Variants in FARP1 observed in about 807,000 individuals in gnomAD.
FARP1 encodes the protein FERM, ARH/RhoGEF and pleckstrin domain protein 1.
Under a neutral mutation model 128.8 loss-of-function variants are expected in FARP1, and 52 were observed. The ratio of observed to expected loss-of-function variants is 0.40; its 90% CI spans 0.32 to 0.51. The LOEUF is 0.51. FARP1 is among the 20% of genes least tolerant of loss of function. The pLI is 0.45. For missense variants in FARP1, 1,333 were observed against 1,367.9 expected (o/e 0.97, Z 0.40); for synonymous variants, 580 against 551.8 (o/e 1.05, Z -0.72).
At chr13:98,234,319 C>G (rs1038383246) in intron 2 of FARP1, 1 of 152,148 alleles carries the variant, frequency 6.6e-6, no homozygotes, top group Non-Finnish European at 1.5e-5. Context: ...CTCCTTAAGG[C>G]AAGTAGGGTA....
At chr13:98,194,128 T>C (rs967094520) in intron 1 of FARP1, among the ~76,000 whole-genome samples, 12 of 152,096 alleles carry the variant, frequency 7.9e-5, no homozygotes, top group African/African-American at 2.9e-4. Flanking sequence ...ATTATTATTA[T>C]TTTTTGAGAC....
At chr13:98,416,541 G>A (rs1258279637) in intron 16 of FARP1, among the ~76,000 whole-genome samples, 1 of 152,206 alleles carries the variant, frequency 6.6e-6, no homozygotes, top group Non-Finnish European at 1.5e-5. Flanking sequence ...TGCTGGCAAA[G>A]CCACATTACC....
In FARP1 at chr13:98,266,778, G is replaced by C. The variant is rs142100692; in HGVS notation, c.171+53365G>C. 8.8e-3 allele frequency among the ~76,000 whole-genome samples: 1,345 copies of C among 152,258 alleles called. 20 individuals are homozygous for C. The highest frequency in any genetic ancestry group is 0.029 in the African/African-American group (1,216 of 41,548). On this transcript the variant is annotated intron_variant, in intron 2 of 26. Transcript: ENST00000319562. ...TATAATCCCAGCATTTTGGGAGGCA[G>C]AGGTGGGTGGATCGCTTGAGGTCAG...
chr13:98,205,559 A>AT (rs911052540), intron 1 of FARP1, among the ~76,000 whole-genome samples: 2 of 151,784 alleles, frequency 1.3e-5, no homozygotes, highest in Admixed American at 6.6e-5. Context: ...TGCCCGGCTA[A>AT]TTTTTTTGTA....
chr13:98,278,168 A>AGTGTGTGT (rs1291047216), intron 2 of FARP1, among the ~76,000 whole-genome samples: 28 of 131,656 alleles, frequency 2.1e-4, no homozygotes, highest in African/African-American at 7.9e-4. Context: ...TGTATGAGTG[A>AGTGTGTGT]GTGAGTGTGT....
At chr13:98,170,201 T>C (rs547112582) in intron 1 of FARP1, among the ~76,000 whole-genome samples, 1 of 152,298 alleles carries the variant, frequency 6.6e-6, no homozygotes, top group South Asian at 2.1e-4. Flanking sequence ...TTTTTGTTTT[T>C]GATACAGAGT....
intron 24 of FARP1, among the ~76,000 whole-genome samples, chr13:98,443,083 C>A (rs1892595064): frequency 6.6e-6 from 1 of 152,224 alleles, no homozygotes; most frequent in South Asian, 2.1e-4. Context: ...GGCACGCTGG[C>A]CCCCAGCCAG....
At chr13:98,243,424 G>A (rs567045726) in intron 2 of FARP1, among the ~76,000 whole-genome samples, 12 of 151,920 alleles carry the variant, frequency 7.9e-5, no homozygotes, top group Non-Finnish European at 1.3e-4. Context: ...GGCCGGGCAC[G>A]GTGGCTCACG....
chr13:98,402,747 G>A (rs910190309), intron 13 of FARP1: 1 of 152,120 alleles, frequency 6.6e-6, no homozygotes, highest in Non-Finnish European at 1.5e-5. Flanking sequence ...AGGTTGCTGT[G>A]AAAACCTAAC....
At chr13:98,256,242 A>G (rs2139513180) in intron 2 of FARP1, among the ~76,000 whole-genome samples, 1 of 152,328 alleles carries the variant, frequency 6.6e-6, no homozygotes, top group South Asian at 2.1e-4. Flanking sequence ...GTGAATAGGG[A>G]CGTTGTGCTG....
intron 6 of FARP1, chr13:98,382,333 G>C (rs562723338): frequency 1.8e-4 from 28 of 151,858 alleles, no homozygotes; most frequent in Admixed American, 1.3e-3. Flanking sequence ...TGTGGGGAGC[G>C]AATGAGTTTC....
intron 1 of FARP1, chr13:98,177,228 C>T (rs1472364911): frequency 3.2e-6 from 5 of 1,553,188 alleles, no homozygotes; most frequent in East Asian, 2.3e-5. Context: ...GAGAAGGTGG[C>T]GCTGCCATGT....
At chr13:98,297,155 C>G (rs1406954042) in intron 2 of FARP1, among the ~76,000 whole-genome samples, 1 of 152,166 alleles carries the variant, frequency 6.6e-6, no homozygotes, top group Non-Finnish European at 1.5e-5. Context: ...CGGATTGTTC[C>G]CATAGGAAGA....
intron 1 of FARP1, among the ~76,000 whole-genome samples, chr13:98,212,163 C>A (rs1447499903): frequency 1.3e-5 from 2 of 152,210 alleles, no homozygotes; most frequent in Non-Finnish European, 2.9e-5. Flanking sequence ...TCAAGCGATT[C>A]TCCTGCCTCA....
At chr13:98,284,639 C>T (rs1320804968) in intron 2 of FARP1, among the ~76,000 whole-genome samples, 2 of 35,292 alleles carry the variant, frequency 5.7e-5, no homozygotes, top group Non-Finnish European at 9.9e-5. Context: ...TCCAAATGCC[C>T]AGTCTCAAGT....
At chr13:98,251,804 A>G (rs1402965270) in intron 2 of FARP1, among the ~76,000 whole-genome samples, 5 of 152,202 alleles carry the variant, frequency 3.3e-5, no homozygotes, top group African/African-American at 1.2e-4. Context: ...TAAACCATAA[A>G]AAGATAGCAG....
At chr13:98,352,620 C>T (rs1241760836) in intron 3 of FARP1, among the ~76,000 whole-genome samples, 2 of 152,196 alleles carry the variant, frequency 1.3e-5, no homozygotes, top group African/African-American at 4.8e-5. Flanking sequence ...GGTTAGGAAA[C>T]AATTTTCACA....
At chr13:98,235,332 C>G (rs1882351522) in intron 2 of FARP1, among the ~76,000 whole-genome samples, 1 of 152,152 alleles carries the variant, frequency 6.6e-6, no homozygotes, top group African/African-American at 2.4e-5. Flanking sequence ...AATCAAAAGT[C>G]TCAAAAAAGC....
chr13:98,392,323 C>CAAAAAAAAAAAAAAAAAAAAAAAA (rs11289484), intron 11 of FARP1, among the ~76,000 whole-genome samples: 3 of 60,420 alleles, frequency 5.0e-5, no homozygotes, highest in African/African-American at 1.3e-4. Flanking sequence ...CATCTCTACC[C>CAAAAAAAAAAAAAAAAAAAAAAAA]AAAAAAAAAA....
Sources: gnomAD v4.1 joint callset for allele counts (sites outside exome capture counted in the v4.1 genomes callset) on GRCh38, gnomAD v4.1.1 for gene constraint, MANE v1.5 for transcripts, NCBI Gene and HGNC (gene_info 2026-07-23, HGNC 2026-07-21) for gene names.